SLIT2: variants seen among roughly 807,000 people sequenced by gnomAD.
SLIT2 encodes slit homolog 2 protein.
SLIT2 carries 41 observed loss-of-function variants against 185.7 expected under a neutral mutation model. The ratio of observed to expected loss-of-function variants is 0.22; its 90% CI spans 0.17 to 0.29. SLIT2 has a LOEUF of 0.29. SLIT2 is among the 10% of genes least tolerant of loss of function. The pLI is 1.00. For synonymous variants in SLIT2, 693 were observed against 680.2 expected (o/e 1.02, Z -0.29); for missense variants, 1,571 against 1,909.0 (o/e 0.82, Z 3.30).
At chr4:20,255,054 C>T (rs1191838678) in intron 1 of SLIT2, 1 of 456,294 alleles carries the variant, frequency 2.2e-6, no homozygotes, top group East Asian at 7.0e-5. Context: ...GCCGCCGCCC[C>T]GCGCCAGTCC....
chr4:20,564,760 G>A (rs1724953010), intron 26 of SLIT2, among the ~76,000 whole-genome samples: 1 of 147,916 alleles, frequency 6.8e-6, no homozygotes, highest in African/African-American at 2.5e-5. Flanking sequence ...AGTCCTGAGT[G>A]TATGAGAATG....
intron 4 of SLIT2, among the ~76,000 whole-genome samples, chr4:20,388,003 A>G (rs766262178): frequency 1.3e-5 from 2 of 152,196 alleles, no homozygotes; most frequent in African/African-American, 2.4e-5. Context: ...ATCTCTATAC[A>G]TGTAGAAAAA....
At chr4:20,290,294 C>T (rs757343893) in intron 4 of SLIT2, among the ~76,000 whole-genome samples, 5 of 151,964 alleles carry the variant, frequency 3.3e-5, no homozygotes, top group African/African-American at 4.8e-5. Flanking sequence ...GTGGATTCAA[C>T]CAACAGCAGA....
At chr4:20,258,724 A>G (rs893633537) in intron 3 of SLIT2, among the ~76,000 whole-genome samples, 1 of 151,718 alleles carries the variant, frequency 6.6e-6, no homozygotes, top group Admixed American at 6.6e-5. Context: ...TACGAATTGT[A>G]TGTCTTACAT....
chr4:20,442,922 A>C (rs1194614013), intron 4 of SLIT2, among the ~76,000 whole-genome samples: 1 of 152,214 alleles, frequency 6.6e-6, no homozygotes. Context: ...AATAAATGAA[A>C]GAGAAAATTT....
intron 4 of SLIT2, among the ~76,000 whole-genome samples, chr4:20,343,103 G>A (rs1331711160): frequency 6.6e-6 from 1 of 151,982 alleles, no homozygotes; most frequent in African/African-American, 2.4e-5. Context: ...TAAAAGTACA[G>A]TACACTGTTG....
At chr4:20,294,515 G>C (rs1348467371) in intron 4 of SLIT2, among the ~76,000 whole-genome samples, 1 of 152,102 alleles carries the variant, frequency 6.6e-6, no homozygotes, top group Non-Finnish European at 1.5e-5. Flanking sequence ...CAGAGTATCA[G>C]TTTCTCCCCC....
chr4:20,280,361 C>CA (rs1014658643), intron 4 of SLIT2, among the ~76,000 whole-genome samples: 36 of 144,748 alleles, frequency 2.5e-4, no homozygotes, highest in African/African-American at 6.3e-4. Flanking sequence ...AGAACAACAA[C>CA]AAAAAAAAAC....
chr4:20,450,316 G>T (rs1712329646), intron 4 of SLIT2, among the ~76,000 whole-genome samples: 1 of 152,000 alleles, frequency 6.6e-6, no homozygotes, highest in Non-Finnish European at 1.5e-5. Context: ...GATGCCCTAT[G>T]GTTTGGGGCT....
intron 4 of SLIT2, among the ~76,000 whole-genome samples, chr4:20,325,123 T>C (rs1719452214): frequency 6.6e-6 from 1 of 151,784 alleles, no homozygotes; most frequent in South Asian, 2.1e-4. Context: ...TTCTCACCCC[T>C]CTAACCCTGT....
intron 4 of SLIT2, among the ~76,000 whole-genome samples, chr4:20,378,656 G>C (rs1724230598): frequency 6.6e-6 from 1 of 152,034 alleles, no homozygotes; most frequent in Admixed American, 6.6e-5. Flanking sequence ...GTAACTGGAA[G>C]GTTAATCTAA....
intron 4 of SLIT2, among the ~76,000 whole-genome samples, chr4:20,416,961 TC>T (rs1206647081): frequency 8.9e-6 from 1 of 111,986 alleles, no homozygotes; most frequent in Non-Finnish European, 1.8e-5. Context: ...TGCTATCAAA[TC>T]TTTTTTTTTT....
At position 20,254,180 on chromosome 4, in the gene SLIT2, G is replaced by A. The variant is rs570546129; in HGVS notation, c.179+186G>A. Reference sequence around the variant, plus strand: ...AGGGAAGGGCCTCTGTCCAAGGAGGGGCGGGTCCGCTGGCAGCTGCGCTAG... The same window carrying A: ...AGGGAAGGGCCTCTGTCCAAGGAGGAGCGGGTCCGCTGGCAGCTGCGCTAG... On this transcript the variant is annotated intron_variant, in intron 1 of 36. Coordinates refer to ENST00000504154, the MANE Select transcript of SLIT2 (RefSeq NM_004787.4). This position sits in a 1 kb window ranked among gnomAD's most constrained non-coding sequence, Gnocchi z 5.1. Among the ~76,000 whole-genome samples, 16 of 152,224 alleles carry A rather than the reference G, an allele frequency of 1.1e-4. No individual in the cohort carries two copies. The East Asian group carries it at 3.1e-3, about 30-fold the overall frequency.
chr4:20,358,380 T>C (rs2109285025), intron 4 of SLIT2, among the ~76,000 whole-genome samples: 1 of 152,282 alleles, frequency 6.6e-6, no homozygotes, highest in East Asian at 1.9e-4. Context: ...AACTAATTAA[T>C]TGTGGGCCAA....
intron 21 of SLIT2, among the ~76,000 whole-genome samples, chr4:20,543,911 A>T (rs538362528): frequency 6.6e-6 from 1 of 152,050 alleles, no homozygotes; most frequent in Non-Finnish European, 1.5e-5. Context: ...AATGTTTTTT[A>T]TTTCAGAAGA....
chr4:20,421,467 A>T (rs910060207), intron 4 of SLIT2, among the ~76,000 whole-genome samples: 2 of 152,230 alleles, frequency 1.3e-5, no homozygotes, highest in South Asian at 4.1e-4. Context: ...TCCTGTTGAC[A>T]TTAAAAGGAG....
chr4:20,463,164 G>T (rs966055523), intron 4 of SLIT2, among the ~76,000 whole-genome samples: 10 of 151,860 alleles, frequency 6.6e-5, no homozygotes, highest in Admixed American at 1.3e-4. Flanking sequence ...AGATAATCTG[G>T]CCCTGAAGTC....
chr4:20,314,617 A>G (rs1560309194), intron 4 of SLIT2, among the ~76,000 whole-genome samples: 1 of 152,186 alleles, frequency 6.6e-6, no homozygotes, highest in African/African-American at 2.4e-5. Context: ...TTCTTGGCTC[A>G]CAATATATTC....
chr4:20,531,875 T>A (rs1721841355), intron 16 of SLIT2, 109 bp from the exon 17 acceptor site: 1 of 620,164 alleles, frequency 1.6e-6, no homozygotes, highest in African/African-American at 2.0e-5. Flanking sequence ...TATTTCCTTT[T>A]ATTTTCCTGG....
Sources: gnomAD v4.1 joint callset for allele counts (sites outside exome capture counted in the v4.1 genomes callset) on GRCh38, gnomAD v4.1.1 for gene constraint, Gnocchi (gnomAD v3.1) non-coding constraint, MANE v1.5 for transcripts, NCBI Gene and HGNC (gene_info 2026-07-23, HGNC 2026-07-21) for gene names.